RYR3: variants seen among roughly 807,000 people sequenced by gnomAD.
RYR3 encodes the protein ryanodine receptor 3.
In RYR3, 207 loss-of-function variants were observed where a neutral mutation model predicts 584.3. The observed-to-expected ratio is 0.35, with a 90% confidence interval of 0.32 to 0.40. The LOEUF (loss-of-function observed/expected upper bound fraction) is 0.40, where lower values mean the gene tolerates loss of function less well. Among genes scored for constraint, RYR3 ranks in the 10% least tolerant of loss-of-function variants. RYR3 has a pLI of 1.00. For missense variants in RYR3, 5,616 were observed against 6,089.2 expected (o/e 0.92, Z 2.59); for synonymous variants, 2,416 against 2,248.5 (o/e 1.07, Z -2.11).
chr15:33,629,003 T>C (rs1401732223), intron 21 of RYR3, among the ~76,000 whole-genome samples: 1 of 152,208 alleles, frequency 6.6e-6, no homozygotes, highest in East Asian at 1.9e-4. Context: ...CCATGATTTG[T>C]GTAAGGTCAT....
chr15:33,337,796 A>C (rs1595763646), intron 1 of RYR3, among the ~76,000 whole-genome samples: 1 of 152,306 alleles, frequency 6.6e-6, no homozygotes, highest in South Asian at 2.1e-4. Context: ...TGCATCAGGT[A>C]TGTGTTCAAG....
Position 33,406,762 on chromosome 15 carries a change from G to GT in RYR3, c.52-66649dup, listed in dbSNP as rs201932476. Reference sequence around the variant, plus strand: ...AATAACTATCCCAGGCCATTTCATTGTTTTTTTTAACAAAAGTTTGTTGAA... The same window carrying GT: ...AATAACTATCCCAGGCCATTTCATTGTTTTTTTTTAACAAAAGTTTGTTGAA... On this transcript the variant is annotated intron_variant, in intron 1 of 103. Coordinates refer to ENST00000634891, the MANE Select transcript of RYR3 (RefSeq NM_001036.6). Among the ~76,000 whole-genome samples the GT allele has an allele frequency of 7.8e-4, 119 of 152,052 alleles. No individual in the cohort carries two copies. In the East Asian group the frequency reaches 9.9e-3, roughly 13 times the overall value.
intron 3 of RYR3, among the ~76,000 whole-genome samples, chr15:33,504,107 G>T (rs1186327631): frequency 1.3e-5 from 2 of 152,186 alleles, no homozygotes; most frequent in South Asian, 4.1e-4. Flanking sequence ...ACCTCACTGG[G>T]GAGTTAGGAC....
At chr15:33,410,764 G>A (rs2043347819) in intron 1 of RYR3, among the ~76,000 whole-genome samples, 1 of 152,182 alleles carries the variant, frequency 6.6e-6, no homozygotes. Flanking sequence ...GTATTAGTCT[G>A]TTCTCATGCT....
rs200626568 is a variant in RYR3 at position 33,821,411 on chromosome 15, A to G, written c.10915+42A>G. The G allele has an allele frequency of 2.1e-5, 34 of 1,586,944 alleles. No individual in the cohort carries two copies. The African/African-American group carries it at 4.4e-4, about 21-fold the overall frequency. ...CTGGATGGGCTTATGTAACTTCCAC[A>G]AAGATATCATGCTGTGACATACAGC... On this transcript the variant is annotated intron_variant, in intron 79 of 103. Coordinates refer to ENST00000634891, the MANE Select transcript of RYR3 (RefSeq NM_001036.6).
chr15:33,784,794 C>T (rs2074603216), intron 65 of RYR3, among the ~76,000 whole-genome samples: 1 of 152,182 alleles, frequency 6.6e-6, no homozygotes, highest in South Asian at 2.1e-4. Context: ...CAGTCTTCCT[C>T]CCATCTTGCA....
intron 29 of RYR3, 56 bp downstream of exon 29, chr15:33,646,582 G>T: frequency 6.7e-7 from 1 of 1,483,824 alleles, no homozygotes. Flanking sequence ...TGTAAAGTGG[G>T]CTTTCTGCTT....
chr15:33,342,345 A>G (rs1245935599), intron 1 of RYR3, among the ~76,000 whole-genome samples: 1 of 152,252 alleles, frequency 6.6e-6, no homozygotes, highest in Non-Finnish European at 1.5e-5. Flanking sequence ...AGTTGTACTC[A>G]TAAAAGAAAT....
At chr15:33,844,105 C>T (rs2078558819) in intron 92 of RYR3, among the ~76,000 whole-genome samples, 1 of 152,200 alleles carries the variant, frequency 6.6e-6, no homozygotes, top group African/African-American at 2.4e-5. Flanking sequence ...CCTGAATTCT[C>T]GACATAGTCT....
chr15:33,624,040 C>T lies in RYR3; in HGVS notation c.2574+17C>T, dbSNP rs560493299. The T allele has an allele frequency of 8.9e-6, 14 of 1,564,464 alleles. No individual in the cohort carries two copies. The highest frequency in any genetic ancestry group is 1.8e-4 in the Middle Eastern group (1 of 5,546). The stretch of plus-strand genomic sequence containing the variant: ...ACCAGTCAGGTAGGTTCAAATTGCC[C>T]GCAGAAGGCAACCAATATAGATGAA... On this transcript the variant is annotated intron_variant, in intron 20 of 103. Coordinates refer to ENST00000634891, the MANE Select transcript of RYR3 (RefSeq NM_001036.6).
chr15:33,357,864 C>A (rs142530330), intron 1 of RYR3, among the ~76,000 whole-genome samples: 1 of 152,122 alleles, frequency 6.6e-6, no homozygotes, highest in Non-Finnish European at 1.5e-5. Context: ...TTCTTTTACA[C>A]GGAAGTATTT....
chr15:33,863,659 C>CAAAACTATAGTTCT (rs1391360270), intron 102 of RYR3, among the ~76,000 whole-genome samples: 14 of 152,064 alleles, frequency 9.2e-5, no homozygotes, highest in Non-Finnish European at 4.4e-5. Context: ...ATGATGAAAA[C>CAAAACTATAGTTCT]AAAACTATAG....
In RYR3 at chr15:33,838,720, C is replaced by T. The variant is rs778119833; in HGVS notation, c.12740C>T (p.Thr4247Ile). The T allele has an allele frequency of 6.2e-7, 1 of 1,613,904 alleles. No individual in the cohort carries two copies. Among genetic ancestry groups the T allele is most frequent in the Non-Finnish European group, 8.5e-7 (1 of 1,179,874 alleles). ...ACCCAATTTGGTATCCATGATGACA[C>T]TATGGAGGCTGAGAGGGCAGAGGTG... ...DPTQFGIHDD[T>I]MEAERAEVME... is the part of the protein sequence containing the mutation. Residue 4247 changes from threonine to isoleucine, a missense_variant, in exon 89 of 104, where the codon ACT (threonine) becomes ATT (isoleucine). Thr to Ile is a moderately conservative substitution (Grantham distance 89, BLOSUM62 -1). Transcript: ENST00000634891.
chr15:33,529,639 A>T (rs1188967698), intron 3 of RYR3, among the ~76,000 whole-genome samples: 1 of 152,190 alleles, frequency 6.6e-6, no homozygotes, highest in Non-Finnish European at 1.5e-5. Context: ...GGGAGGGCTT[A>T]TGCTCAAATA....
At position 33,603,276 on chromosome 15, in the gene RYR3, A is replaced by T. The variant is rs1233588806; in HGVS notation, c.2076A>T (p.Pro692=). The T allele has an allele frequency of 6.2e-7, 1 of 1,613,784 alleles. No individual in the cohort carries two copies. Among genetic ancestry groups the T allele is most frequent in the African/African-American group, 1.3e-5 (1 of 74,916 alleles). The change falls in exon 18 of 104, where the codon CCA becomes CCT. Residue 692 remains proline (P), a synonymous_variant. Transcript: ENST00000634891. ...GGGCCTCTTCTTCAGGCTATGCCCC[A>T]TACCCAGGAGGTGGAGAAGGATGGG... ...VGWASSSGYA[P]YPGGGEGWGG...
In RYR3 at chr15:33,311,072, G is replaced by A. The variant is rs753357260; in HGVS notation, c.27G>A (p.Glu9=). 1.8e-5 allele frequency: 28 copies of A among 1,583,022 alleles called. No individual in the cohort carries two copies. Among genetic ancestry groups the A allele is most frequent in the Non-Finnish European group, 2.0e-5 (23 of 1,166,668 alleles). Reference sequence around the variant, plus strand: ...TGGCCGAAGGGGGAGAAGGAGGCGAGGACGAGATCCAGTTTCTGAGGACTG... The same window carrying A: ...TGGCCGAAGGGGGAGAAGGAGGCGAAGACGAGATCCAGTTTCTGAGGACTG... MAEGGEGG[E]DEIQFLRTED... The change falls in exon 1 of 104, where the codon GAG becomes GAA. Residue 9 remains glutamate, a synonymous_variant. Transcript: ENST00000634891. This position sits in a 1 kb window ranked among gnomAD's most constrained non-coding sequence, Gnocchi z 4.4.
chr15:33,562,960 T>A lies in RYR3; in HGVS notation c.1096T>A (p.Tyr366Asn), dbSNP rs2057491445. 1.9e-6 allele frequency: 3 copies of A among 1,613,210 alleles called. No individual in the cohort carries two copies. Among genetic ancestry groups the A allele is most frequent in the Non-Finnish European group, 1.7e-6 (2 of 1,179,540 alleles). Residue 366 changes from tyrosine (Y) to asparagine (N), a missense_variant, in exon 11 of 104, where the codon TAC becomes AAC. Coordinates refer to ENST00000634891, the MANE Select transcript of RYR3 (RefSeq NM_001036.6). ...TATAGCCAGTGGTCTGTGGGTGACC[T>A]ACAAAGCACAAGACGCCAAAACTTC... Reference protein sequence around the residue: ...QHIASGLWVTYKAQDAKTSRL... With the variant: ...QHIASGLWVTNKAQDAKTSRL...
chr15:33,789,656 ATATTTTTTTTTTTTTTTTTT>A, intron 67 of RYR3, among the ~76,000 whole-genome samples: 1 of 18,192 alleles, frequency 5.5e-5, no homozygotes. Flanking sequence ...ATATATATAT[ATATTTTTTTTTTTTTTTTTT>A]TTTTTTTTTT....
chr15:33,820,891 T>C, intron 78 of RYR3, 79 bp downstream of exon 78: 2 of 458,592 alleles, frequency 4.4e-6, no homozygotes, highest in Non-Finnish European at 3.1e-6. Context: ...GTGCTGACAT[T>C]AGCCTATTGA....
Sources: gnomAD v4.1 joint callset for allele counts (sites outside exome capture counted in the v4.1 genomes callset) on GRCh38, gnomAD v4.1.1 for gene constraint, Gnocchi (gnomAD v3.1) non-coding constraint, MANE v1.5 for transcripts, NCBI Gene and HGNC (gene_info 2026-07-23, HGNC 2026-07-21) for gene names.